Variants in ANKMY1 observed in about 807,000 individuals in gnomAD.
ANKMY1 encodes the protein ankyrin repeat and MYND domain-containing protein 1.
In ANKMY1, 98 loss-of-function variants were observed where a neutral mutation model predicts 102.0. That is an observed-to-expected ratio of 0.96 (90% CI 0.82 to 1.14). The LOEUF is 1.14. Ranked by LOEUF, ANKMY1 falls within the 50% of genes most tolerant of loss-of-function variation. The probability of loss-of-function intolerance (pLI) is 0.00; values close to 1 mark genes in which losing one functional copy is unlikely to be tolerated. For synonymous variants in ANKMY1, 582 were observed against 559.9 expected, an observed-to-expected ratio of 1.04 and a Z score of -0.56; for missense variants, 1,330 against 1,347.6, an observed-to-expected ratio of 0.99 and a Z score of 0.20.
Position 240,524,260 on chromosome 2 carries a change from G to A in ANKMY1, c.1457C>T (p.Pro486Leu). ...SQGSYELRPP[P>L]APLLLPRVSG... The stretch of plus-strand genomic sequence containing the variant: ...GACGCGTGGCAGGAGCAGTGGTGCT[G>A]GCGGTGGCCTCAGCTCATAGCTACC... The change falls in exon 8 of 18, where the codon CCA becomes CTA. Residue 486 changes from proline (P) to leucine (L), a missense_variant. Coordinates refer to ENST00000401804, the MANE Select transcript of ANKMY1 (RefSeq NM_001282771.3). 6.2e-7 allele frequency: 1 copy of A among 1,613,886 alleles called. No homozygotes were observed. The highest frequency in any genetic ancestry group is 8.5e-7 in the Non-Finnish European group (1 of 1,180,038).
chr2:240,524,099 C>T lies in ANKMY1; in HGVS notation c.1618G>A (p.Asp540Asn). The T allele has an allele frequency of 6.2e-7, 1 of 1,614,104 alleles. No homozygotes were observed. The change falls in exon 8 of 18, where the codon GAC (aspartate) becomes AAC (asparagine). Residue 540 changes from aspartate (D) to asparagine (N), a missense_variant. Asp to Asn is a conservative substitution (Grantham distance 23). Coordinates refer to ENST00000401804, the MANE Select transcript of ANKMY1 (RefSeq NM_001282771.3). Reference sequence around the variant, plus strand: ...CCCCGGTCTGTGTTTCCCAACACGTCCTCAAGCCCGCTTTCCACATGGCCA... The same window carrying T: ...CCCCGGTCTGTGTTTCCCAACACGTTCTCAAGCCCGCTTTCCACATGGCCA... ...SLGHVESGLE[D>N]VLGNTDRGSL...
At chr2:240,507,777 A>C in intron 12 of ANKMY1, 86 bp from the exon 13 acceptor site, 1 of 1,447,992 alleles carries the variant, frequency 6.9e-7, no homozygotes, top group East Asian at 2.5e-5. Flanking sequence ...GCCACTCCAG[A>C]ACTAACCCCT....
intron 4 of ANKMY1, among the ~76,000 whole-genome samples, chr2:240,545,443 A>G (rs1166305385): frequency 1.3e-5 from 2 of 152,248 alleles, no homozygotes; most frequent in African/African-American, 4.8e-5. Context: ...AACTCTAAAA[A>G]GCAGAGCGCC....
At chr2:240,509,234 T>C in intron 12 of ANKMY1, 114 bp downstream of exon 12, 1 of 806,660 alleles carries the variant, frequency 1.2e-6, no homozygotes, top group South Asian at 1.9e-5. Context: ...AATGGATGGA[T>C]GGATGGATGG....
chr2:240,525,501 T>A (rs999540035), intron 7 of ANKMY1, among the ~76,000 whole-genome samples, 184 bp downstream of exon 7: 3 of 152,188 alleles, frequency 2.0e-5, no homozygotes, highest in Non-Finnish European at 4.4e-5. Flanking sequence ...CACACATACC[T>A]TGGCATCTGC....
chr2:240,510,028 T>C (rs1235100482), intron 11 of ANKMY1, among the ~76,000 whole-genome samples: 3 of 115,400 alleles, frequency 2.6e-5, no homozygotes, highest in African/African-American at 1.0e-4. Context: ...CCCGTCCCTG[T>C]CCTCCCTTCC....
Position 240,520,025 on chromosome 2 carries a change from GA to G in ANKMY1, c.2004+336del. On this transcript the variant is annotated intron_variant, in intron 9 of 17. Transcript: ENST00000401804. This position sits in a 1 kb window ranked among gnomAD's most constrained non-coding sequence, Gnocchi z 4.8. The stretch of plus-strand genomic sequence containing the variant: ...GTCCTTGTGATGCTGAGCGTGGGTT[GA>G]AAGGAGGCCCGCCTCCTCCTGAATA... The G allele has an allele frequency of 1.9e-6, 1 of 529,578 alleles. No individual in the cohort carries two copies. The highest frequency in any genetic ancestry group is 2.3e-5 in the Admixed American group (1 of 44,124). The allele number at this position is 529,578 out of a possible 1,614,324, so 32.8% of individuals were successfully genotyped here. A position where few individuals can be genotyped will look rare whatever the true frequency, so the allele number is the denominator to read the frequency against.
chr2:240,509,532 T>C (rs1293059465), intron 11 of ANKMY1, 77 bp from the exon 12 acceptor site: 1 of 1,008,972 alleles, frequency 9.9e-7, no homozygotes, highest in Non-Finnish European at 1.5e-6. Context: ...TTAATTTAAA[T>C]GCCATGAAAT....
intron 15 of ANKMY1, among the ~76,000 whole-genome samples, chr2:240,489,636 CTTTTGAAAG>C (rs1169831290): frequency 6.6e-6 from 1 of 152,074 alleles, no homozygotes; most frequent in East Asian, 1.9e-4. Flanking sequence ...CTCACCTAAT[CTTTTGAAAG>C]TGCTGTTGGA....
chr2:240,527,006 G>A, intron 5 of ANKMY1: 1 of 997,388 alleles, frequency 1.0e-6, no homozygotes, highest in Non-Finnish European at 1.2e-6. Context: ...TACAAGCCCA[G>A]TTGATGTCTG....
intron 13 of ANKMY1, 136 bp downstream of exon 13, chr2:240,507,424 C>T: frequency 8.9e-7 from 1 of 1,121,662 alleles, no homozygotes; most frequent in South Asian, 1.9e-5. Flanking sequence ...CCACCCAGCC[C>T]TTATACCCCT....
chr2:240,536,304 T>A (rs2086720546), intron 4 of ANKMY1, among the ~76,000 whole-genome samples: 1 of 151,342 alleles, frequency 6.6e-6, no homozygotes, highest in Non-Finnish European at 1.5e-5. Flanking sequence ...TTGGAAAAAA[T>A]CGATGAACTG....
intron 4 of ANKMY1, among the ~76,000 whole-genome samples, chr2:240,540,545 T>C (rs1171310245): frequency 6.6e-6 from 1 of 152,194 alleles, no homozygotes; most frequent in Non-Finnish European, 1.5e-5. Context: ...TCATTCACCA[T>C]GATTGCTTCC....
intron 17 of ANKMY1, 52 bp from the exon 18 acceptor site, chr2:240,479,707 T>TC (rs764085899): frequency 6.4e-7 from 1 of 1,550,740 alleles, no homozygotes; most frequent in African/African-American, 1.4e-5. Context: ...GGAGCTGGCC[T>TC]CCCCCGAGGC....
intron 17 of ANKMY1, 140 bp downstream of exon 17, chr2:240,480,797 C>T (rs772040173): frequency 8.6e-5 from 108 of 1,260,502 alleles, no homozygotes; most frequent in Non-Finnish European, 1.1e-4. Flanking sequence ...CCCAACAGGC[C>T]GATCTGGAAA....
intron 4 of ANKMY1, among the ~76,000 whole-genome samples, chr2:240,539,417 A>AC (rs1431448860): frequency 1.3e-5 from 2 of 151,678 alleles, no homozygotes; most frequent in Admixed American, 1.3e-4. Flanking sequence ...GAGACCATGA[A>AC]CCCGCCAGAA....
intron 15 of ANKMY1, among the ~76,000 whole-genome samples, chr2:240,485,775 T>A (rs532592165): frequency 5.7e-4 from 86 of 152,188 alleles, no homozygotes; most frequent in African/African-American, 2.1e-3. Context: ...AAAATTTTTG[T>A]AGAGACAGGG....
chr2:240,480,623 CT>C (rs1201380554), intron 17 of ANKMY1, among the ~76,000 whole-genome samples: 3 of 151,958 alleles, frequency 2.0e-5, no homozygotes, highest in Non-Finnish European at 4.4e-5. Context: ...GCAGAGCCCC[CT>C]AGGAGTTCAG....
intron 4 of ANKMY1, among the ~76,000 whole-genome samples, chr2:240,539,985 T>A (rs2088227997): frequency 6.6e-6 from 1 of 152,104 alleles, no homozygotes; most frequent in Non-Finnish European, 1.5e-5. Context: ...CAAAACAGAC[T>A]CTCTATAGCA....
Sources: gnomAD v4.1 joint callset for allele counts (sites outside exome capture counted in the v4.1 genomes callset) on GRCh38, gnomAD v4.1.1 for gene constraint, Gnocchi (gnomAD v3.1) non-coding constraint, MANE v1.5 for transcripts, NCBI Gene and HGNC (gene_info 2026-07-23, HGNC 2026-07-21) for gene names.